C16orf46: variants seen among roughly 807,000 people sequenced by gnomAD.
C16orf46 encodes the protein chromosome 16 open reading frame 46, also known as uncharacterized protein C16orf46.
In C16orf46, 7 loss-of-function variants were observed where a neutral mutation model predicts 5.5. The observed-to-expected ratio is 1.28, with a 90% CI of 0.73 to 2.40. The LOEUF (loss-of-function observed/expected upper bound fraction) is 2.40. Ranked by LOEUF, C16orf46 falls within the 30% of genes most tolerant of loss-of-function variation. The pLI is 0.00. For synonymous variants in C16orf46, 200 were observed against 184.1 expected, an observed-to-expected ratio of 1.09 and a Z score of -0.70; for missense variants, 614 against 476.0, an observed-to-expected ratio of 1.29 and a Z score of -2.70.
chr16:81,072,586 G>A (rs1352795991), intron 1 of C16orf46, among the ~76,000 whole-genome samples: 1 of 152,138 alleles, frequency 6.6e-6, no homozygotes, highest in Non-Finnish European at 1.5e-5. Flanking sequence ...GTTTCTTCAT[G>A]TTGGTCAGGC....
At chr16:81,059,349 G>C (rs1971396053), downstream of C16orf46, among the ~76,000 whole-genome samples, 1 of 149,294 alleles carries the variant, frequency 6.7e-6, no homozygotes, top group African/African-American at 2.5e-5. Flanking sequence ...AAAACCCTAG[G>C]CAAACAGACA....
downstream of C16orf46, among the ~76,000 whole-genome samples, chr16:81,057,437 T>G (rs375685551): frequency 2.6e-5 from 4 of 151,588 alleles, no homozygotes; most frequent in African/African-American, 9.7e-5. Flanking sequence ...TAATCCCACC[T>G]ACTCGTGAGT....
chr16:81,071,410 A>C (rs1362608830), intron 1 of C16orf46, among the ~76,000 whole-genome samples: 3 of 152,262 alleles, frequency 2.0e-5, no homozygotes, highest in African/African-American at 7.2e-5. Flanking sequence ...CTTCCAAGAC[A>C]AAGAAACACT....
downstream of C16orf46, chr16:81,055,987 G>C (rs559669179): frequency 3.6e-4 from 55 of 152,236 alleles, no homozygotes; most frequent in African/African-American, 1.3e-3. Flanking sequence ...CAAAGTCCTG[G>C]GATTACAGGC....
intron 1 of C16orf46, among the ~76,000 whole-genome samples, chr16:81,068,563 G>GTT (rs1481223297): frequency 2.1e-4 from 13 of 62,500 alleles, no homozygotes; most frequent in Admixed American, 5.6e-4. Context: ...GTATTTCTTT[G>GTT]TATTTTTTTT....
rs9930623 is a variant in C16orf46, at chr16:81,061,280, T to C, written c.1069A>G (p.Lys357Glu). Reference protein sequence around the residue: ...PVITRKHVLPKAKQENRPQML... With the variant: ...PVITRKHVLPEAKQENRPQML... ...TGGGGCCTGTTTTCCTGCTTGGCCT[T>C]TGGGAGAACATGCTTTCGGGTGATC... The change falls in exon 4 of 4, where the codon AAG becomes GAG. Residue 357 changes from lysine to glutamate, a missense_variant. Coordinates refer to ENST00000299578, the MANE Select transcript of C16orf46 (RefSeq NM_152337.3). The C allele has an allele frequency of 2.9e-3, 4,703 of 1,614,094 alleles. 86 individuals carry two copies. The African/African-American group carries it at 0.05, about 17-fold the overall frequency.
chr16:81,067,634 C>A (rs1280904926), intron 1 of C16orf46, among the ~76,000 whole-genome samples: 2 of 151,968 alleles, frequency 1.3e-5, no homozygotes, highest in African/African-American at 4.8e-5. Flanking sequence ...ATCACTGCAA[C>A]CTCCGCCTCC....
At position 81,061,068 on chromosome 16, in the gene C16orf46, G is replaced by A. The variant is rs1443336473; in HGVS notation, c.*93C>T. ...GACTGACGGGGAGGAGAGAAAGAGA[G>A]AGTGGGGGGTGGGTGGGAAATGAGA... is the stretch of plus-strand genomic sequence containing the variant. On this transcript the variant is annotated 3_prime_UTR_variant, in exon 4 of 4. Transcript: ENST00000299578. 1.4e-6 allele frequency: 2 copies of A among 1,405,966 alleles called. No homozygotes were observed. The highest frequency in any genetic ancestry group is 1.4e-5 in the African/African-American group (1 of 69,468). 87.1% of individuals were successfully genotyped at this position (1,405,966 alleles called of 1,614,324 possible). A position where few individuals can be genotyped will look rare whatever the true frequency, so the allele number is the denominator to read the frequency against.
At chr16:81,056,999 G>A (rs1971316135), downstream of C16orf46, among the ~76,000 whole-genome samples, 1 of 152,150 alleles carries the variant, frequency 6.6e-6, no homozygotes. Flanking sequence ...GGGCATTTGG[G>A]AAAGTCTGGA....
Position 81,061,650 on chromosome 16 carries a change from G to T in C16orf46, c.699C>A (p.Phe233Leu). The change falls in exon 4 of 4, where the codon TTC (phenylalanine) becomes TTA (leucine). Residue 233 changes from phenylalanine to leucine, a missense_variant. Coordinates refer to ENST00000299578, the MANE Select transcript of C16orf46 (RefSeq NM_152337.3). ...DVLGKKSKNS[F>L]LQSEEKVLDV... ...CCAGCACCTTCTCTTCTGACTGCAA[G>T]AAAGAGTTCTTACTCTTCTTACCCA... 1.2e-6 allele frequency: 2 copies of T among 1,614,162 alleles called. No homozygotes were observed. Among genetic ancestry groups the T allele is most frequent in the Non-Finnish European group, 1.7e-6 (2 of 1,180,026 alleles).
At chr16:81,063,196 T>C (rs1971543728) in intron 3 of C16orf46, among the ~76,000 whole-genome samples, 1 of 137,738 alleles carries the variant, frequency 7.3e-6, no homozygotes, top group South Asian at 2.3e-4. Context: ...TGAGCCAAGA[T>C]CGCGCCACTG....
At chr16:81,073,632 G>T (rs1345011015) in intron 1 of C16orf46, among the ~76,000 whole-genome samples, 2 of 152,162 alleles carry the variant, frequency 1.3e-5, no homozygotes, top group Non-Finnish European at 2.9e-5. Flanking sequence ...AATCTGGGTG[G>T]CCCTAATCAA....
downstream of C16orf46, among the ~76,000 whole-genome samples, chr16:81,059,615 C>T (rs138650249): frequency 1.1e-4 from 16 of 151,934 alleles, no homozygotes; most frequent in African/African-American, 2.7e-4. Flanking sequence ...TTAGATAGAA[C>T]GGTGGGAATA....
chr16:81,065,388 A>G (rs12924600), intron 2 of C16orf46, among the ~76,000 whole-genome samples: 3 of 148,960 alleles, frequency 2.0e-5, no homozygotes, highest in Non-Finnish European at 4.5e-5. Flanking sequence ...GCAGGAGAAT[A>G]GCTTGAACTT....
chr16:81,074,894 A>G (rs1971976842), intron 1 of C16orf46, among the ~76,000 whole-genome samples: 1 of 151,992 alleles, frequency 6.6e-6, no homozygotes, highest in South Asian at 2.1e-4. Context: ...TTGTTTTTGG[A>G]CCATTATTAA....
chr16:81,060,031 G>A (rs922406531), downstream of C16orf46, among the ~76,000 whole-genome samples: 7 of 151,882 alleles, frequency 4.6e-5, no homozygotes, highest in Admixed American at 1.3e-4. Context: ...CTCATGATCC[G>A]CCCGCCTCAG....
At chr16:81,073,990 C>T (rs958266269) in intron 1 of C16orf46, among the ~76,000 whole-genome samples, 2 of 152,204 alleles carry the variant, frequency 1.3e-5, no homozygotes, top group African/African-American at 4.8e-5. Context: ...AGCTTAAATA[C>T]TTCTGCTTAA....
In C16orf46 at chr16:81,061,716, C is replaced by T; in HGVS notation, c.633G>A (p.Leu211=). The T allele has an allele frequency of 6.2e-7, 1 of 1,614,032 alleles. No individual in the cohort carries two copies. The highest frequency in any genetic ancestry group is 8.5e-7 in the Non-Finnish European group (1 of 1,180,026). The stretch of plus-strand genomic sequence containing the variant: ...TTGAAAGTGAAGCCTTCAGGGGAGG[C>T]AGAACTAGGAGGGCCCTGGAAGTCA... ...GPLTSRALLV[L]PPLKASLSNA... Residue 211 remains leucine, a synonymous_variant, in exon 4 of 4, where the codon CTG becomes CTA. Transcript: ENST00000299578.
At chr16:81,055,280 T>G (rs1025799955) in intron 3 of C16orf46, 1 of 152,230 alleles carries the variant, frequency 6.6e-6, no homozygotes, top group Non-Finnish European at 1.5e-5. Flanking sequence ...ATCATGGTTA[T>G]TCTTGGGCAG....
Sources: gnomAD v4.1 joint callset for allele counts (sites outside exome capture counted in the v4.1 genomes callset) on GRCh38, gnomAD v4.1.1 for gene constraint, MANE v1.5 for transcripts, NCBI Gene and HGNC (gene_info 2026-07-23, HGNC 2026-07-21) for gene names.